Variants in UBAP2 observed in about 807,000 individuals in gnomAD.
UBAP2 encodes ubiquitin-associated protein 2.
UBAP2 carries 75 observed loss-of-function variants against 139.6 expected under a neutral mutation model. That is an observed-to-expected ratio of 0.54 (90% CI 0.45 to 0.65). The LOEUF (loss-of-function observed/expected upper bound fraction) is 0.65. Among genes scored for constraint, UBAP2 ranks in the 30% least tolerant of loss-of-function variants. The pLI, the probability that UBAP2 is intolerant of heterozygous loss-of-function variation, is 0.00. For missense variants in UBAP2, 1,368 were observed against 1,369.6 expected (o/e 1.00, Z 0.02); for synonymous variants, 526 against 526.2 (o/e 1.00, Z 0.01).
chr9:33,927,985 C>G lies in UBAP2; in HGVS notation c.2183G>C (p.Ser728Thr). Reference protein sequence around the residue: ...LSSSTSHTHASVESASSHQSS... With the variant: ...LSSSTSHTHATVESASSHQSS... ...CTGGTGGGAAGAGGCGCTCTCCACA[C>G]TGGCATGCTGGCAAAAGAAAAGCCA... is the stretch of plus-strand genomic sequence containing the variant. The change falls in exon 20 of 29, where the codon AGT becomes ACT. Residue 728 changes from serine (S) to threonine (T), a missense_variant. By Grantham distance (58) the Ser-to-Thr change is moderately conservative. Coordinates refer to ENST00000379238, the MANE Select transcript of UBAP2 (RefSeq NM_001370062.2). 6.2e-7 allele frequency: 1 copy of G among 1,610,174 alleles called. No individual in the cohort carries two copies. Among genetic ancestry groups the G allele is most frequent in the South Asian group, 1.1e-5 (1 of 90,478 alleles).
chr9:33,953,897 C>A (rs567682795), intron 11 of UBAP2, among the ~76,000 whole-genome samples: 1 of 152,000 alleles, frequency 6.6e-6, no homozygotes, highest in East Asian at 1.9e-4. Context: ...GTAAGCAATT[C>A]AATAAGTTTC....
chr9:34,006,726 G>C, intron 2 of UBAP2, among the ~76,000 whole-genome samples: 1 of 151,914 alleles, frequency 6.6e-6, no homozygotes. Flanking sequence ...CTAGCACTTA[G>C]AGCCAACAAA....
intron 8 of UBAP2, among the ~76,000 whole-genome samples, chr9:33,967,597 T>C (rs1827569242): frequency 6.6e-6 from 1 of 152,202 alleles, no homozygotes; most frequent in African/African-American, 2.4e-5. Flanking sequence ...TCTGAAATAA[T>C]GTATTATCAC....
intron 19 of UBAP2, among the ~76,000 whole-genome samples, chr9:33,930,083 T>TA (rs372684166): frequency 9.9e-5 from 15 of 151,904 alleles, no homozygotes; most frequent in South Asian, 4.1e-4. Flanking sequence ...TTCAAATATA[T>TA]AAAAAAAAGG....
At position 34,022,456 on chromosome 9, in the gene UBAP2, A is replaced by G. The variant is rs553879176; in HGVS notation, c.-41-5267T>C. Among the ~76,000 whole-genome samples, 82 of 54,322 alleles carry G rather than the reference A, an allele frequency of 1.5e-3. 1 individual carries two copies. The East Asian group carries it at 0.024, about 16-fold the overall frequency. The allele number at this position is 54,322 out of a possible 152,430, so 35.6% of individuals were successfully genotyped here. On this transcript the variant is annotated intron_variant, in intron 1 of 28. Transcript: ENST00000379238. ...CCCTTTTTTTTTTTTTTTTTTTTTT[A>G]AGACACAGTCTGGCTTTGTTGCCCA...
At chr9:34,018,388 C>G (rs769749621) in intron 1 of UBAP2, among the ~76,000 whole-genome samples, 15 of 129,034 alleles carry the variant, frequency 1.2e-4, no homozygotes, top group Non-Finnish European at 1.7e-4. Context: ...AAACTAGAAC[C>G]CTTGTGCACT....
At chr9:33,950,234 T>G (rs747515660) in intron 12 of UBAP2, among the ~76,000 whole-genome samples, 26 of 152,042 alleles carry the variant, frequency 1.7e-4, no homozygotes, top group Middle Eastern at 3.4e-3. Context: ...CCCGGCTTTT[T>G]TGTTGTTGTT....
chr9:33,964,957 A>T (rs759190945), intron 8 of UBAP2, among the ~76,000 whole-genome samples: 6 of 152,196 alleles, frequency 3.9e-5, no homozygotes, highest in Non-Finnish European at 5.9e-5. Flanking sequence ...TTAATAGGTG[A>T]ATGGGGGTAA....
At chr9:34,011,721 T>A (rs1823763105) in intron 2 of UBAP2, 10 of 884,670 alleles carry the variant, frequency 1.1e-5, no homozygotes, top group African/African-American at 1.8e-5. Context: ...TTAAACAAGG[T>A]CAGTGCACCC....
In UBAP2 at chr9:33,986,768, C is replaced by T. The variant is rs574338817; in HGVS notation, c.512G>A (p.Arg171Gln). ...DKPSDRGKRA[R>Q]GRGFGRGRGR... The stretch of plus-strand genomic sequence containing the variant: ...CTCTTACTCTAGCTTACCTCTACCC[C>T]GGGCTCGCTTGCCACGATCTGAAGG... The change falls in exon 6 of 29, where the codon CGG becomes CAG. Residue 171 changes from arginine (R) to glutamine (Q), a missense_variant. Coordinates refer to ENST00000379238, the MANE Select transcript of UBAP2 (RefSeq NM_001370062.2). 18 of 1,614,034 alleles carry T rather than the reference C, an allele frequency of 1.1e-5. No homozygotes were observed. Among genetic ancestry groups the T allele is most frequent in the Middle Eastern group, 1.7e-4 (1 of 6,060 alleles).
chr9:34,032,647 G>A (rs1013633497), intron 1 of UBAP2, among the ~76,000 whole-genome samples: 1 of 152,136 alleles, frequency 6.6e-6, no homozygotes, highest in Admixed American at 6.6e-5. Flanking sequence ...TCTTAGGCTG[G>A]GTGTGGTGGC....
At chr9:34,016,367 CGGCGGTGGTGGTGGTGGTGGT>C (rs1205435280) in intron 2 of UBAP2, among the ~76,000 whole-genome samples, 1 of 10,450 alleles carries the variant, frequency 9.6e-5, no homozygotes, top group Non-Finnish European at 3.0e-4. Flanking sequence ...GCGGCGGCAG[CGGCGGTGGTGGTGGTGGTGGT>C]GGTGGTGGTG....
At chr9:34,039,367 T>C (rs1007881928) in intron 1 of UBAP2, among the ~76,000 whole-genome samples, 1 of 152,184 alleles carries the variant, frequency 6.6e-6, no homozygotes, top group Non-Finnish European at 1.5e-5. Flanking sequence ...CAACTGCTCA[T>C]TGAGAACGGG....
In UBAP2 at chr9:33,922,886, G is replaced by T. The variant is rs752294529; in HGVS notation, c.3073-8C>A. Reference sequence around the variant, plus strand: ...TCCCTGCTTGTCAAAAGTCTACAGGGCAAAGAAGACAATGGTGAAGGTCAG... The same window carrying T: ...TCCCTGCTTGTCAAAAGTCTACAGGTCAAAGAAGACAATGGTGAAGGTCAG... On this transcript the variant is annotated splice_region_variant and splice_polypyrimidine_tract_variant and intron_variant, in intron 27 of 28. Coordinates refer to ENST00000379238, the MANE Select transcript of UBAP2 (RefSeq NM_001370062.2). The T allele has an allele frequency of 3.1e-6, 5 of 1,608,854 alleles. No homozygotes were observed. The highest frequency in any genetic ancestry group is 8.5e-7 in the Non-Finnish European group (1 of 1,176,746).
intron 4 of UBAP2, chr9:33,994,355 A>T (rs1489182787): frequency 6.6e-6 from 1 of 152,196 alleles, no homozygotes; most frequent in African/African-American, 2.4e-5. Context: ...CTGGAGCTAA[A>T]GGAAAGGCAA....
At chr9:34,028,238 T>C (rs1043664177) in intron 1 of UBAP2, among the ~76,000 whole-genome samples, 2 of 152,026 alleles carry the variant, frequency 1.3e-5, no homozygotes, top group African/African-American at 2.4e-5. Context: ...GACATCAAAA[T>C]TTATTTGATA....
intron 16 of UBAP2, among the ~76,000 whole-genome samples, chr9:33,937,384 A>T (rs906890180): frequency 1.3e-5 from 2 of 152,088 alleles, no homozygotes; most frequent in African/African-American, 4.8e-5. Flanking sequence ...AGGAGGACGT[A>T]TCATTTGAGG....
At chr9:34,035,747 C>T (rs905846247) in intron 1 of UBAP2, among the ~76,000 whole-genome samples, 2 of 151,504 alleles carry the variant, frequency 1.3e-5, no homozygotes, top group Non-Finnish European at 1.5e-5. Flanking sequence ...GTTCACAAAC[C>T]ATCAACTCCT....
rs16935374 is a variant in UBAP2 at position 34,047,997 on chromosome 9, T to C, written c.-42+828A>G. Among the ~76,000 whole-genome samples, 133 of 152,270 alleles carry C rather than the reference T, an allele frequency of 8.7e-4. No individual in the cohort carries two copies. The East Asian group carries it at 0.023, about 26-fold the overall frequency. On this transcript the variant is annotated intron_variant, in intron 1 of 28. Coordinates refer to ENST00000379238, the MANE Select transcript of UBAP2 (RefSeq NM_001370062.2). ...AAACAGGAAATAACAGTAATAATGA[T>C]GGGATCAACCCCTAAAGCGAGCAAG... is the stretch of plus-strand genomic sequence containing the variant.
Sources: allele counts gnomAD v4.1 joint callset (sites outside exome capture counted in the v4.1 genomes callset), GRCh38; gene constraint gnomAD v4.1.1; transcripts MANE v1.5; gene names NCBI Gene and HGNC (gene_info 2026-07-23, HGNC 2026-07-21).